SGPP2: variants seen among roughly 807,000 people sequenced by gnomAD.
SGPP2 encodes sphingosine-1-phosphate phosphatase 2.
Under a neutral mutation model 33.9 loss-of-function variants are expected in SGPP2, and 30 were observed. That is an observed-to-expected ratio of 0.89 (90% CI 0.66 to 1.20). The LOEUF is 1.20. Among genes scored for constraint, SGPP2 ranks in the 50% most tolerant of loss-of-function variants. The probability of loss-of-function intolerance (pLI) is 0.00; values close to 1 mark genes in which losing one functional copy is unlikely to be tolerated. For missense variants in SGPP2, 458 were observed against 532.1 expected, an observed-to-expected ratio of 0.86 and a Z score of 1.37; for synonymous variants, 233 against 225.0, an observed-to-expected ratio of 1.04 and a Z score of -0.32.
rs1697951586 is a variant in SGPP2 at position 222,477,128 on chromosome 2, TGTGTATATAG to T, written c.378+2407_378+2416del. Among the ~76,000 whole-genome samples the T allele has an allele frequency of 1.3e-5, 2 of 151,834 alleles. No homozygotes were observed. Among genetic ancestry groups the T allele is most frequent in the Non-Finnish European group, 2.9e-5 (2 of 67,910 alleles). On this transcript the variant is annotated intron_variant, in intron 2 of 4. Coordinates refer to ENST00000321276, the MANE Select transcript of SGPP2 (RefSeq NM_152386.4). The surrounding 1 kb of genome is among the most constrained non-coding windows in gnomAD (Gnocchi z 6.0). The stretch of plus-strand genomic sequence containing the variant: ...ATAGGTGTGTATATATGTGTATGTG[TGTGTATATAG>T]GTGTGTATATATCTGTGTGTGTGTA...
chr2:222,435,817 C>A (rs1316978288), intron 1 of SGPP2, among the ~76,000 whole-genome samples: 1 of 152,212 alleles, frequency 6.6e-6, no homozygotes, highest in Non-Finnish European at 1.5e-5. Context: ...TGTAGCTGGT[C>A]ATGTGGTCGT....
chr2:222,526,489 A>G (rs1343894161), intron 4 of SGPP2, among the ~76,000 whole-genome samples: 2 of 152,162 alleles, frequency 1.3e-5, no homozygotes, highest in Admixed American at 6.5e-5. Flanking sequence ...CTACACTGCC[A>G]CTTCGTGTTA....
chr2:222,533,023 C>T (rs1255024083), intron 4 of SGPP2, among the ~76,000 whole-genome samples: 1 of 152,108 alleles, frequency 6.6e-6, no homozygotes, highest in Non-Finnish European at 1.5e-5. Context: ...TGGTGAAAGG[C>T]ATTCTATGTG....
At chr2:222,473,700 G>A (rs1445003572) in intron 1 of SGPP2, among the ~76,000 whole-genome samples, 1 of 152,150 alleles carries the variant, frequency 6.6e-6, no homozygotes, top group East Asian at 1.9e-4. Flanking sequence ...CGAGGTGGGT[G>A]GATCACCTGA....
At chr2:222,428,798 T>C (rs1215711155) in intron 1 of SGPP2, among the ~76,000 whole-genome samples, 1 of 143,782 alleles carries the variant, frequency 7.0e-6, no homozygotes, top group Non-Finnish European at 1.5e-5. Context: ...TTTTTTTTTT[T>C]TTTTTTTTTT....
intron 1 of SGPP2, among the ~76,000 whole-genome samples, chr2:222,473,029 C>A (rs1697872324): frequency 6.6e-6 from 1 of 151,988 alleles, no homozygotes; most frequent in African/African-American, 2.4e-5. Context: ...AACAAACAAA[C>A]AAAAAATAAA....
chr2:222,538,021 A>G (rs1177157125), intron 4 of SGPP2, among the ~76,000 whole-genome samples: 6 of 152,218 alleles, frequency 3.9e-5, no homozygotes, highest in Admixed American at 2.6e-4. Flanking sequence ...GTTGCATGCA[A>G]CATGTTGATG....
intron 1 of SGPP2, among the ~76,000 whole-genome samples, chr2:222,446,740 T>C (rs1321766178): frequency 6.6e-6 from 1 of 152,244 alleles, no homozygotes; most frequent in African/African-American, 2.4e-5. Flanking sequence ...ATTGATTTGA[T>C]TGAGCCATTT....
chr2:222,433,033 GAGAA>G (rs532524028), intron 1 of SGPP2, among the ~76,000 whole-genome samples: 176 of 131,960 alleles, frequency 1.3e-3, no homozygotes, highest in South Asian at 4.3e-3. Flanking sequence ...GAAAGAAAGA[GAGAA>G]AGAAAGAAAG....
intron 2 of SGPP2, among the ~76,000 whole-genome samples, chr2:222,489,564 A>G (rs1032610128): frequency 2.0e-4 from 30 of 148,806 alleles, no homozygotes; most frequent in African/African-American, 7.3e-4. Context: ...TATGTTAGAG[A>G]CTGAGCTTTA....
intron 4 of SGPP2, among the ~76,000 whole-genome samples, chr2:222,545,261 A>G (rs1292427704): frequency 6.7e-6 from 1 of 149,672 alleles, no homozygotes; most frequent in Non-Finnish European, 1.5e-5. Flanking sequence ...AAACAAGTAC[A>G]TGGGTTTCAA....
chr2:222,438,497 C>T (rs977648210), intron 1 of SGPP2, among the ~76,000 whole-genome samples: 4 of 152,244 alleles, frequency 2.6e-5, no homozygotes, highest in Admixed American at 2.0e-4. Flanking sequence ...AGGTATATTG[C>T]TGGCCTTGCC....
At chr2:222,451,941 A>G (rs1349607272) in intron 1 of SGPP2, among the ~76,000 whole-genome samples, 1 of 152,156 alleles carries the variant, frequency 6.6e-6, no homozygotes, top group African/African-American at 2.4e-5. Flanking sequence ...GCATCGATGC[A>G]TTTAATTTTC....
intron 3 of SGPP2, 127 bp downstream of exon 3, chr2:222,522,073 T>C (rs1429668014): frequency 9.9e-6 from 8 of 804,382 alleles, no homozygotes; most frequent in Non-Finnish European, 1.5e-5. Flanking sequence ...TAAGAGAAAC[T>C]GAAACCTATT....
chr2:222,548,502 A>G (rs1482661890), intron 4 of SGPP2, among the ~76,000 whole-genome samples: 2 of 152,016 alleles, frequency 1.3e-5, no homozygotes, highest in Non-Finnish European at 2.9e-5. Flanking sequence ...TTTTAGTTCT[A>G]GACTTGTAAC....
intron 2 of SGPP2, among the ~76,000 whole-genome samples, chr2:222,520,334 A>G (rs13016506): frequency 0.31 from 47,599 of 151,962 alleles, 8,136 homozygotes; most frequent in Middle Eastern, 0.49. Flanking sequence ...TTCTTTTGAG[A>G]ACATGTTCAT....
chr2:222,528,442 G>A (rs1401310128), intron 4 of SGPP2, among the ~76,000 whole-genome samples: 7 of 151,468 alleles, frequency 4.6e-5, no homozygotes, highest in Non-Finnish European at 7.4e-5. Context: ...CTAAAAAAAA[G>A]CAATGTACAT....
chr2:222,480,072 T>C (rs1006496129), intron 2 of SGPP2, among the ~76,000 whole-genome samples: 8 of 152,318 alleles, frequency 5.3e-5, no homozygotes, highest in African/African-American at 1.9e-4. Context: ...TTTCAGAAGA[T>C]GAGTCACTAC....
At chr2:222,506,302 T>C (rs1054679777) in intron 2 of SGPP2, among the ~76,000 whole-genome samples, 7 of 152,344 alleles carry the variant, frequency 4.6e-5, no homozygotes, top group African/African-American at 1.7e-4. Flanking sequence ...TGAATAACAC[T>C]GTGGGACCCA....
Sources: allele counts gnomAD v4.1 joint callset (sites outside exome capture counted in the v4.1 genomes callset), GRCh38; gene constraint gnomAD v4.1.1; non-coding constraint Gnocchi (gnomAD v3.1); transcripts MANE v1.5; gene names NCBI Gene and HGNC (gene_info 2026-07-23, HGNC 2026-07-21).